Variants in SYNE3 observed in about 807,000 individuals in gnomAD.
SYNE3 encodes spectrin repeat containing nuclear envelope family member 3.
A neutral mutation model predicts 111.2 loss-of-function variants in SYNE3; 100 were observed. That is an observed-to-expected ratio of 0.90 (90% CI 0.77 to 1.06). The LOEUF (loss-of-function observed/expected upper bound fraction) is 1.06, where lower values mean the gene tolerates loss of function less well. Among genes scored for constraint, SYNE3 ranks in the 50% least tolerant of loss-of-function variants. SYNE3 has a pLI of 0.00. For synonymous variants in SYNE3, 547 were observed against 533.9 expected (o/e 1.02, Z -0.34); for missense variants, 1,160 against 1,240.3 (o/e 0.94, Z 0.97).
intron 2 of SYNE3, among the ~76,000 whole-genome samples, chr14:95,471,607 G>A (rs891368186): frequency 1.4e-4 from 21 of 152,206 alleles, no homozygotes; most frequent in Admixed American, 1.1e-3. Context: ...CAGAGGCTGT[G>A]GCTAGGCTGG....
intron 1 of SYNE3, among the ~76,000 whole-genome samples, chr14:95,511,651 G>T (rs1485993443): frequency 2.6e-5 from 4 of 151,986 alleles, no homozygotes; most frequent in Non-Finnish European, 5.9e-5. Flanking sequence ...GGAGGCAGAG[G>T]TTACGGTGAG....
Position 95,423,666 on chromosome 14 carries a change from ATGGGGATGG to A in SYNE3, c.2728-5649_2728-5641del, listed in dbSNP as rs1266608032. On this transcript the variant is annotated intron_variant, in intron 17 of 17. Transcript: ENST00000682763. ...GGGTTTTGATGGGGATGGGGATTTGATGGGGATGGGGATTTGATGGGGATGAGGATTTGA... is the reference window on the plus strand; with the variant it reads ...GGGTTTTGATGGGGATGGGGATTTGAGGATTTGATGGGGATGAGGATTTGA... Among the ~76,000 whole-genome samples the A allele has an allele frequency of 3.3e-3, 255 of 77,190 alleles. 67 individuals are homozygous for A. The highest frequency in any genetic ancestry group is 5.8e-3 in the African/African-American group (122 of 20,868). The allele number at this position is 77,190 out of a possible 152,430, so 50.6% of individuals were successfully genotyped here.
chr14:95,451,397 TC>T (rs1304386630), intron 7 of SYNE3: 4 of 152,176 alleles, frequency 2.6e-5, no homozygotes, highest in African/African-American at 9.7e-5. Flanking sequence ...CAGCACCAAG[TC>T]ATAGGAAACC....
intron 4 of SYNE3, among the ~76,000 whole-genome samples, chr14:95,458,863 C>A (rs1272316654): frequency 2.0e-5 from 3 of 152,216 alleles, no homozygotes; most frequent in East Asian, 3.9e-4. Context: ...AAAAAGGAGA[C>A]TCATTTAATA....
At position 95,412,377 on chromosome 14, in the gene SYNE3, A is replaced by G. The variant is rs1360319619; in HGVS notation, c.*5449T>C. 2.0e-5 allele frequency: 3 copies of G among 152,400 alleles called. No individual in the cohort carries two copies. Among genetic ancestry groups the G allele is most frequent in the African/African-American group, 4.8e-5 (2 of 41,582 alleles). 9.4% of individuals were successfully genotyped at this position (152,400 alleles called of 1,614,324 possible). On this transcript the variant is annotated 3_prime_UTR_variant, in exon 18 of 18. Transcript: ENST00000682763. ...CCCGTTGGGCATCTTCAATGGCACA[A>G]ACCCTTTTCTTCGTCTGCAAGCTCC... is the stretch of plus-strand genomic sequence containing the variant.
chr14:95,430,001 A>AG (rs6145455), intron 17 of SYNE3: 2 of 363,884 alleles, frequency 5.5e-6, no homozygotes, highest in Non-Finnish European at 7.5e-6. Context: ...GAAGGAAGGA[A>AG]AGAAGGGAGG....
rs1217737284 is a variant in SYNE3 at position 95,441,425 on chromosome 14, C to A, written c.1912-1350G>T. On this transcript the variant is annotated intron_variant, in intron 11 of 17. Transcript: ENST00000682763. ...ATCTCCAACATCAGATACCTGCCCC[C>A]CAGGGGGACACAGAGACTGCCTCGC... Among the ~76,000 whole-genome samples the A allele has an allele frequency of 2.6e-5, 4 of 152,238 alleles. No individual in the cohort carries two copies. The East Asian group carries it at 7.7e-4, about 29-fold the overall frequency.
At chr14:95,515,202 T>C (rs1352717683) in intron 1 of SYNE3, among the ~76,000 whole-genome samples, 1 of 152,188 alleles carries the variant, frequency 6.6e-6, no homozygotes, top group Non-Finnish European at 1.5e-5. Context: ...GAGGGGCCTC[T>C]CTGGTTGAAA....
intron 1 of SYNE3, among the ~76,000 whole-genome samples, chr14:95,487,664 C>T (rs1889616932): frequency 6.6e-6 from 1 of 152,198 alleles, no homozygotes; most frequent in African/African-American, 2.4e-5. Context: ...ACATACCCGC[C>T]TCCCCTTTAA....
At chr14:95,432,368 G>A (rs1885825469) in intron 16 of SYNE3, among the ~76,000 whole-genome samples, 1 of 152,172 alleles carries the variant, frequency 6.6e-6, no homozygotes, top group Non-Finnish European at 1.5e-5. Context: ...TGGCCAACCT[G>A]GCTTGGGCTG....
chr14:95,422,711 C>A (rs903378796), intron 17 of SYNE3, among the ~76,000 whole-genome samples: 2 of 152,192 alleles, frequency 1.3e-5, no homozygotes, highest in African/African-American at 4.8e-5. Context: ...GGAGGAGGCC[C>A]ACTGAGCCAG....
At chr14:95,462,752 C>A (rs73340945) in intron 4 of SYNE3, among the ~76,000 whole-genome samples, 1 of 152,234 alleles carries the variant, frequency 6.6e-6, no homozygotes, top group East Asian at 1.9e-4. Flanking sequence ...CAGACACTAA[C>A]GCAGGACCTG....
intron 17 of SYNE3, 126 bp downstream of exon 17, chr14:95,431,953 T>G: frequency 9.0e-7 from 1 of 1,107,906 alleles, no homozygotes; most frequent in Non-Finnish European, 1.3e-6. Flanking sequence ...TGATCCCCCA[T>G]AAATGTTCTT....
intron 9 of SYNE3, among the ~76,000 whole-genome samples, chr14:95,445,109 T>C (rs1886636909): frequency 6.6e-6 from 1 of 152,224 alleles, no homozygotes; most frequent in East Asian, 1.9e-4. Flanking sequence ...TATTTGTGTC[T>C]ACCAGCAAAA....
intron 1 of SYNE3, among the ~76,000 whole-genome samples, chr14:95,489,750 A>ATT (rs11419794): frequency 2.4e-4 from 36 of 151,280 alleles, no homozygotes; most frequent in African/African-American, 7.5e-4. Context: ...TGCCTGGCTT[A>ATT]TTTTTTTTTG....
At chr14:95,454,760 T>G (rs1887305740) in intron 6 of SYNE3, among the ~76,000 whole-genome samples, 1 of 152,224 alleles carries the variant, frequency 6.6e-6, no homozygotes, top group Admixed American at 6.5e-5. Context: ...CATGAAGTCG[T>G]GATCCTGAGT....
intron 3 of SYNE3, among the ~76,000 whole-genome samples, chr14:95,467,450 A>G (rs2139480886): frequency 2.0e-5 from 3 of 152,190 alleles, no homozygotes; most frequent in Admixed American, 2.0e-4. Context: ...CCGGCCAACC[A>G]CCACCCAGCT....
At chr14:95,494,368 G>C (rs367881617) in intron 1 of SYNE3, among the ~76,000 whole-genome samples, 4 of 152,198 alleles carry the variant, frequency 2.6e-5, no homozygotes, top group Non-Finnish European at 5.9e-5. Flanking sequence ...GGATGTGAAG[G>C]ATGAGCAGGG....
rs1013537103 is a variant in SYNE3, at chr14:95,485,629, G to T, written c.-14-9794C>A. On this transcript the variant is annotated intron_variant, in intron 1 of 17. Coordinates refer to ENST00000682763, the MANE Select transcript of SYNE3 (RefSeq NM_152592.6). This position sits in a 1 kb window ranked among gnomAD's most constrained non-coding sequence, Gnocchi z 4.3. Reference sequence around the variant, plus strand: ...CGTTTTTTTCCCTCTGCCCTCACCAGGCTGTCTCCTCTCCCTCTCCCCTTA... The same window carrying T: ...CGTTTTTTTCCCTCTGCCCTCACCATGCTGTCTCCTCTCCCTCTCCCCTTA... 2.4e-4 allele frequency among the ~76,000 whole-genome samples: 36 copies of T among 151,932 alleles called. No individual in the cohort carries two copies. Among genetic ancestry groups the T allele is most frequent in the African/African-American group, 8.7e-4 (36 of 41,350 alleles).
Sources: allele counts gnomAD v4.1 joint callset (sites outside exome capture counted in the v4.1 genomes callset), GRCh38; gene constraint gnomAD v4.1.1; non-coding constraint Gnocchi (gnomAD v3.1); transcripts MANE v1.5; gene names NCBI Gene and HGNC (gene_info 2026-07-23, HGNC 2026-07-21).